Variants in KANK1 observed in about 807,000 individuals in gnomAD.
KANK1 encodes KN motif and ankyrin repeat domain-containing protein 1.
KANK1 carries 109 observed loss-of-function variants against 106.2 expected under a neutral mutation model. The ratio of observed to expected loss-of-function variants is 1.03; its 90% CI spans 0.88 to 1.20. The LOEUF is 1.20. Among genes scored for constraint, KANK1 ranks in the 50% most tolerant of loss-of-function variants. The pLI, the probability that KANK1 is intolerant of heterozygous loss-of-function variation, is 0.00. For synonymous variants in KANK1, 873 were observed against 652.2 expected (o/e 1.34, Z -5.16); for missense variants, 2,399 against 1,710.7 (o/e 1.40, Z -7.10).
chr9:611,068 A>G (rs1261898869), intron 1 of KANK1, among the ~76,000 whole-genome samples: 1 of 152,132 alleles, frequency 6.6e-6, no homozygotes, highest in African/African-American at 2.4e-5. Flanking sequence ...TATTATAATT[A>G]GGTTACCTTA....
intron 1 of KANK1, among the ~76,000 whole-genome samples, chr9:577,937 C>G (rs1437700178): frequency 6.6e-6 from 1 of 152,062 alleles, no homozygotes; most frequent in Non-Finnish European, 1.5e-5. Flanking sequence ...CCTGCAAAGC[C>G]CCAAAGAGTG....
chr9:525,135 C>T (rs1374385372), intron 1 of KANK1, among the ~76,000 whole-genome samples: 1 of 151,356 alleles, frequency 6.6e-6, no homozygotes, highest in Non-Finnish European at 1.5e-5. Context: ...GCTGGGACTA[C>T]AGGCATGCGC....
chr9:586,543 A>G (rs1159501249), intron 1 of KANK1, among the ~76,000 whole-genome samples: 1 of 152,206 alleles, frequency 6.6e-6, no homozygotes, highest in Non-Finnish European at 1.5e-5. Flanking sequence ...ACTTGAAAAC[A>G]GTTCCGAGGT....
chr9:508,519 C>A (rs375841069), intron 1 of KANK1, among the ~76,000 whole-genome samples: 1 of 152,162 alleles, frequency 6.6e-6, no homozygotes, highest in African/African-American at 2.4e-5. Context: ...ACGGAAAGAA[C>A]CAAAATATTG....
At chr9:738,547 T>TG (rs1191845529) in intron 8 of KANK1, 43 bp downstream of exon 8, 1 of 1,505,354 alleles carries the variant, frequency 6.6e-7, no homozygotes, top group African/African-American at 1.4e-5. Flanking sequence ...TAACAGTACT[T>TG]GGGTTGTGAC....
At chr9:633,517 A>G (rs1836323337) in intron 1 of KANK1, among the ~76,000 whole-genome samples, 1 of 152,148 alleles carries the variant, frequency 6.6e-6, no homozygotes, top group South Asian at 2.1e-4. Context: ...GTTACTTCCA[A>G]CAGTGCTACC....
Position 637,225 on chromosome 9 carries a change from T to A in KANK1, c.-83-39665T>A, listed in dbSNP as rs527865248. ...CAGGTCTTCTGTTGCCTTCAAACACTACCAAGTAGTCTCATTATCTATTCA... is the reference window on the plus strand; with the variant it reads ...CAGGTCTTCTGTTGCCTTCAAACACAACCAAGTAGTCTCATTATCTATTCA... On this transcript the variant is annotated intron_variant, in intron 1 of 11. Coordinates refer to ENST00000382297, the MANE Select transcript of KANK1 (RefSeq NM_015158.5). Among the ~76,000 whole-genome samples the A allele has an allele frequency of 3.3e-5, 5 of 152,352 alleles. No homozygotes were observed. In the South Asian group the frequency reaches 1.0e-3, roughly 32 times the overall value.
intron 2 of KANK1, among the ~76,000 whole-genome samples, chr9:679,427 T>G (rs1007670665): frequency 6.6e-6 from 1 of 152,160 alleles, no homozygotes; most frequent in African/African-American, 2.4e-5. Context: ...AAAAAAATTT[T>G]TTTTTGAGAT....
intron 2 of KANK1, among the ~76,000 whole-genome samples, chr9:688,871 A>C (rs190156189): frequency 6.6e-6 from 1 of 152,268 alleles, no homozygotes; most frequent in Non-Finnish European, 1.5e-5. Context: ...TTGCAACCGT[A>C]GGTAAGAACC....
chr9:552,799 T>C (rs1016616746), intron 1 of KANK1, among the ~76,000 whole-genome samples: 3 of 152,248 alleles, frequency 2.0e-5, no homozygotes, highest in Non-Finnish European at 1.5e-5. Context: ...CATACACTGC[T>C]TTTATTTGCA....
intron 1 of KANK1, among the ~76,000 whole-genome samples, chr9:548,489 G>A (rs908764698): frequency 6.6e-6 from 1 of 152,080 alleles, no homozygotes; most frequent in African/African-American, 2.4e-5. Context: ...TGACTTTAAC[G>A]CTAAATAGCA....
chr9:659,361 C>T (rs1411874212), intron 1 of KANK1, among the ~76,000 whole-genome samples: 1 of 152,124 alleles, frequency 6.6e-6, no homozygotes, highest in Non-Finnish European at 1.5e-5. Context: ...TCAGGGTCAC[C>T]TAGCGGGTTA....
chr9:620,838 T>G (rs1832978555), intron 1 of KANK1, among the ~76,000 whole-genome samples: 1 of 152,220 alleles, frequency 6.6e-6, no homozygotes, highest in Admixed American at 6.5e-5. Flanking sequence ...TGATTGGGAA[T>G]AAGAAATAAC....
chr9:610,445 A>G (rs9299026), intron 1 of KANK1, among the ~76,000 whole-genome samples: 98,747 of 152,068 alleles, frequency 0.65, 34,188 homozygotes, highest in Non-Finnish European at 0.78. Flanking sequence ...GTGAAAAAAT[A>G]AAGTACTGGT....
chr9:636,809 G>A (rs71509969), intron 1 of KANK1, among the ~76,000 whole-genome samples: 1 of 152,224 alleles, frequency 6.6e-6, no homozygotes, highest in African/African-American at 2.4e-5. Context: ...GGAGGTTGCA[G>A]TGAGCCGAGA....
chr9:577,994 G>C (rs572835991), intron 1 of KANK1, among the ~76,000 whole-genome samples: 3 of 152,182 alleles, frequency 2.0e-5, no homozygotes, highest in African/African-American at 7.2e-5. Flanking sequence ...CTCACTCAGA[G>C]CCCAGCTAGG....
chr9:529,164 ACC>A (rs1455768419), intron 1 of KANK1, among the ~76,000 whole-genome samples: 3 of 151,746 alleles, frequency 2.0e-5, no homozygotes, highest in African/African-American at 7.3e-5. Context: ...TGTACTAGCT[ACC>A]ATATTCTCTC....
chr9:608,311 A>G (rs1473659572), intron 1 of KANK1, among the ~76,000 whole-genome samples: 1 of 151,872 alleles, frequency 6.6e-6, no homozygotes, highest in East Asian at 1.9e-4. Context: ...TGCTGGGATT[A>G]CAGGCGTGAA....
intron 1 of KANK1, among the ~76,000 whole-genome samples, chr9:656,338 G>A (rs1315610464): frequency 6.6e-6 from 1 of 152,174 alleles, no homozygotes; most frequent in Non-Finnish European, 1.5e-5. Flanking sequence ...TGTTTCCCCT[G>A]GCTTGTTGAA....
Sources: allele counts gnomAD v4.1 joint callset (sites outside exome capture counted in the v4.1 genomes callset), GRCh38; gene constraint gnomAD v4.1.1; transcripts MANE v1.5; gene names NCBI Gene and HGNC (gene_info 2026-07-23, HGNC 2026-07-21).